Variants in MAGI1 observed in about 807,000 individuals in gnomAD.
MAGI1 encodes membrane-associated guanylate kinase, WW and PDZ domain-containing protein 1.
A neutral mutation model predicts 139.9 loss-of-function variants in MAGI1; 58 were observed. That is an observed-to-expected ratio of 0.41 (90% CI 0.34 to 0.52). The LOEUF (loss-of-function observed/expected upper bound fraction) is 0.52, where lower values mean the gene tolerates loss of function less well. Among genes scored for constraint, MAGI1 ranks in the 20% least tolerant of loss-of-function variants. The pLI is 0.12. For missense variants in MAGI1, 1,874 were observed against 1,901.6 expected, an observed-to-expected ratio of 0.99 and a Z score of 0.27; for synonymous variants, 812 against 737.9, an observed-to-expected ratio of 1.10 and a Z score of -1.63.
chr3:65,854,408 AT>A (rs1392906779), intron 1 of MAGI1, among the ~76,000 whole-genome samples: 1 of 152,178 alleles, frequency 6.6e-6, no homozygotes, highest in African/African-American at 2.4e-5. Flanking sequence ...TGCTTTGTAC[AT>A]ACAACTTTGA....
At chr3:65,435,080 A>G (rs2107374214) in intron 10 of MAGI1, among the ~76,000 whole-genome samples, 1 of 152,298 alleles carries the variant, frequency 6.6e-6, no homozygotes, top group East Asian at 1.9e-4. Context: ...TGGACACTCG[A>G]TCTGCCAGCA....
Position 65,430,768 on chromosome 3 carries a change from C to A in MAGI1, c.1477G>T (p.Asp493Tyr). The A allele has an allele frequency of 6.2e-7, 1 of 1,613,710 alleles. No homozygotes were observed. Among genetic ancestry groups the A allele is most frequent in the Non-Finnish European group, 8.5e-7 (1 of 1,179,810 alleles). The change falls in exon 11 of 23, where the codon GAT becomes TAT. Residue 493 changes from aspartate to tyrosine, a missense_variant. Transcript: ENST00000402939. ...GFTVVGGDEP[D>Y]EFLQIKSLVL... ...AAGCTCTTGATCTGGAGAAACTCAT[C>A]AGGTTCATCCCCTCCAACCACCGTG... is the stretch of plus-strand genomic sequence containing the variant.
intron 1 of MAGI1, among the ~76,000 whole-genome samples, chr3:65,683,214 G>C (rs2087718678): frequency 6.6e-6 from 1 of 151,854 alleles, no homozygotes; most frequent in African/African-American, 2.4e-5. Flanking sequence ...GTGGATACAT[G>C]TCATTATAAA....
chr3:65,961,248 G>A (rs980466505), intron 1 of MAGI1, among the ~76,000 whole-genome samples: 2 of 152,148 alleles, frequency 1.3e-5, no homozygotes, highest in African/African-American at 2.4e-5. Context: ...CTGTCCAGTC[G>A]AAGAATTAGT....
intron 1 of MAGI1, among the ~76,000 whole-genome samples, chr3:65,844,683 CA>C (rs747113244): frequency 2.0e-5 from 3 of 152,260 alleles, no homozygotes; most frequent in Non-Finnish European, 4.4e-5. Context: ...AAGCAGTTCT[CA>C]AAGTGCAGCT....
chr3:65,596,540 A>G (rs879865103), intron 2 of MAGI1, among the ~76,000 whole-genome samples: 3 of 152,168 alleles, frequency 2.0e-5, no homozygotes, highest in Admixed American at 2.0e-4. Context: ...AATAAGCCAT[A>G]CATACCCTCA....
chr3:65,952,947 A>C (rs1332923270), intron 1 of MAGI1, among the ~76,000 whole-genome samples: 1 of 152,216 alleles, frequency 6.6e-6, no homozygotes, highest in African/African-American at 2.4e-5. Context: ...ATACTGTTCT[A>C]AGGACTACAA....
At chr3:65,788,550 G>A (rs1175091711) in intron 1 of MAGI1, among the ~76,000 whole-genome samples, 1 of 152,198 alleles carries the variant, frequency 6.6e-6, no homozygotes, top group Non-Finnish European at 1.5e-5. Context: ...CCCATCACCA[G>A]CTGCGTTGCA....
chr3:65,424,637 G>A (rs946741432), intron 12 of MAGI1, among the ~76,000 whole-genome samples: 1 of 152,162 alleles, frequency 6.6e-6, no homozygotes, highest in South Asian at 2.1e-4. Flanking sequence ...CTCCTTGGAA[G>A]TAGAAAAATG....
At position 65,688,048 on chromosome 3, in the gene MAGI1, A is replaced by C. The variant is rs565753368; in HGVS notation, c.314-65960T>G. The C allele has an allele frequency of 2.8e-4, 216 of 785,016 alleles. 1 individual carries two copies. The highest frequency in any genetic ancestry group is 9.6e-4 in the Middle Eastern group (4 of 4,158). The allele number at this position is 785,016 out of a possible 1,614,324, so 48.6% of individuals were successfully genotyped here. A position where few individuals can be genotyped will look rare whatever the true frequency, so the allele number is the denominator to read the frequency against. ...CACACCCTGGATCCTAGGCCTACTAAGTCATTATGCTGTGATAACCCCAAC... is the reference window on the plus strand; with the variant it reads ...CACACCCTGGATCCTAGGCCTACTACGTCATTATGCTGTGATAACCCCAAC... On this transcript the variant is annotated intron_variant, in intron 1 of 22. Transcript: ENST00000402939.
Position 65,868,413 on chromosome 3 carries a change from C to T in MAGI1, c.313+169583G>A, listed in dbSNP as rs139949701. On this transcript the variant is annotated intron_variant, in intron 1 of 22. Coordinates refer to ENST00000402939, the MANE Select transcript of MAGI1 (RefSeq NM_001033057.2). The stretch of plus-strand genomic sequence containing the variant: ...CGTGACACAACACACCAAATGTTGA[C>T]GGGTAGAGCGCAGATTCAAAATGCT... Among the ~76,000 whole-genome samples the T allele has an allele frequency of 6.1e-4, 93 of 152,252 alleles. 1 individual carries two copies. The highest frequency in any genetic ancestry group is 2.1e-3 in the African/African-American group (89 of 41,548).
intron 2 of MAGI1, among the ~76,000 whole-genome samples, chr3:65,499,200 A>G (rs17430548): frequency 0.07 from 10,625 of 152,246 alleles, 420 homozygotes; most frequent in Admixed American, 0.096. Context: ...TTGTGACAGC[A>G]TGGTTTGTAG....
chr3:65,784,532 T>C (rs1358864419), intron 1 of MAGI1, among the ~76,000 whole-genome samples: 4 of 152,034 alleles, frequency 2.6e-5, no homozygotes, highest in Admixed American at 6.6e-5. Context: ...GGTGAAACCC[T>C]GTCTCTACTA....
At chr3:65,766,256 G>A (rs960413461) in intron 1 of MAGI1, among the ~76,000 whole-genome samples, 1 of 152,132 alleles carries the variant, frequency 6.6e-6, no homozygotes, top group African/African-American at 2.4e-5. Context: ...ATAAGCTAAG[G>A]CTACATTCAA....
At chr3:65,592,564 T>C (rs2082016266) in intron 2 of MAGI1, among the ~76,000 whole-genome samples, 1 of 152,126 alleles carries the variant, frequency 6.6e-6, no homozygotes, top group Non-Finnish European at 1.5e-5. Flanking sequence ...AGAAATTGAC[T>C]TACTGACTGA....
intron 2 of MAGI1, among the ~76,000 whole-genome samples, chr3:65,560,650 G>C (rs1418665973): frequency 6.6e-6 from 1 of 152,144 alleles, no homozygotes; most frequent in Non-Finnish European, 1.5e-5. Flanking sequence ...AGGAAAAGAG[G>C]GACATAGGAA....
intron 1 of MAGI1, among the ~76,000 whole-genome samples, chr3:66,033,395 TC>T (rs1301022266): frequency 6.6e-6 from 1 of 152,078 alleles, no homozygotes; most frequent in African/African-American, 2.4e-5. Flanking sequence ...ACGCGTCTCT[TC>T]CCAACTCCAG....
chr3:65,576,004 A>G (rs2081159899), intron 2 of MAGI1, among the ~76,000 whole-genome samples: 1 of 152,182 alleles, frequency 6.6e-6, no homozygotes, highest in Non-Finnish European at 1.5e-5. Context: ...TTATGGGTAT[A>G]TGCACAAGTC....
At position 65,678,461 on chromosome 3, in the gene MAGI1, TAACAA is replaced by T. The variant is rs992592705; in HGVS notation, c.314-56378_314-56374del. On this transcript the variant is annotated intron_variant, in intron 1 of 22. Transcript: ENST00000402939. ...AAGAAATTAAATCAAGCTTTGTTGC[TAACAA>T]AACAAAAGAGCTACTTGGTATCAAG... is the stretch of plus-strand genomic sequence containing the variant. 3.3e-5 allele frequency among the ~76,000 whole-genome samples: 5 copies of T among 152,168 alleles called. 1 individual carries two copies. The South Asian group carries it at 6.2e-4, about 19-fold the overall frequency.
Sources: allele counts gnomAD v4.1 joint callset (sites outside exome capture counted in the v4.1 genomes callset), GRCh38; gene constraint gnomAD v4.1.1; transcripts MANE v1.5; gene names NCBI Gene and HGNC (gene_info 2026-07-23, HGNC 2026-07-21).